Variants in SNX29 observed in about 807,000 individuals in gnomAD.
The protein encoded by SNX29 is sorting nexin-29.
SNX29 carries 78 observed loss-of-function variants against 102.1 expected under a neutral mutation model. The observed-to-expected ratio is 0.76, with a 90% CI of 0.64 to 0.92. SNX29 has a LOEUF of 0.92. Among genes scored for constraint, SNX29 ranks in the 40% least tolerant of loss-of-function variants. The pLI is 0.00. For missense variants in SNX29, 1,280 were observed against 1,061.7 expected (o/e 1.21, Z -2.86); for synonymous variants, 580 against 414.5 (o/e 1.40, Z -4.85).
chr16:12,325,064 G>A (rs550160556), intron 15 of SNX29, among the ~76,000 whole-genome samples: 1 of 152,112 alleles, frequency 6.6e-6, no homozygotes. Context: ...AGAAAACAAT[G>A]TAACTGCCCC....
intron 20 of SNX29, among the ~76,000 whole-genome samples, chr16:12,552,080 C>A (rs1344345489): frequency 6.6e-6 from 1 of 152,216 alleles, no homozygotes; most frequent in African/African-American, 2.4e-5. Context: ...GTCTCAATCA[C>A]TCAACTGTGC....
chr16:12,082,449 A>T (rs916464028), intron 11 of SNX29, among the ~76,000 whole-genome samples: 4 of 152,340 alleles, frequency 2.6e-5, no homozygotes, highest in African/African-American at 9.6e-5. Context: ...TCTGTCTTTG[A>T]GGAAGTCACT....
intron 14 of SNX29, among the ~76,000 whole-genome samples, chr16:12,200,835 G>A (rs12925115): frequency 2.0e-5 from 3 of 152,160 alleles, no homozygotes; most frequent in Admixed American, 1.3e-4. Flanking sequence ...GCTCACCCAC[G>A]ACCACCTGAC....
At chr16:12,462,014 T>TCACACACAC (rs1374785171) in intron 18 of SNX29, among the ~76,000 whole-genome samples, 17 of 59,434 alleles carry the variant, frequency 2.9e-4, no homozygotes, top group African/African-American at 1.6e-3. Context: ...TATATATATG[T>TCACACACAC]ATACACACAC....
intron 11 of SNX29, among the ~76,000 whole-genome samples, chr16:12,123,339 A>G (rs955029686): frequency 2.0e-5 from 3 of 152,160 alleles, no homozygotes; most frequent in Non-Finnish European, 4.4e-5. Flanking sequence ...ACAGTACCAT[A>G]GTATTGTTAG....
intron 13 of SNX29, among the ~76,000 whole-genome samples, chr16:12,151,767 A>ACT (rs1256989122): frequency 6.6e-6 from 1 of 151,876 alleles, no homozygotes; most frequent in Non-Finnish European, 1.5e-5. Flanking sequence ...ACAGAGCCTC[A>ACT]CTCTGACACC....
chr16:12,220,863 A>G (rs529763822), intron 14 of SNX29, among the ~76,000 whole-genome samples: 1 of 152,334 alleles, frequency 6.6e-6, no homozygotes, highest in East Asian at 1.9e-4. Flanking sequence ...GCAGTGTTAA[A>G]ATTACGCAAA....
At chr16:12,559,320 C>A (rs1025646370) in intron 20 of SNX29, among the ~76,000 whole-genome samples, 4 of 151,832 alleles carry the variant, frequency 2.6e-5, no homozygotes, top group Non-Finnish European at 5.9e-5. Context: ...TTGTGAACTG[C>A]CCATGTGAGG....
At chr16:12,021,226 C>G (rs2057010942) in intron 3 of SNX29, among the ~76,000 whole-genome samples, 1 of 151,810 alleles carries the variant, frequency 6.6e-6, no homozygotes, top group Non-Finnish European at 1.5e-5. Context: ...GAGTTCGAGA[C>G]CAGCCTGGCC....
chr16:12,232,611 C>T (rs76808896), intron 14 of SNX29, among the ~76,000 whole-genome samples: 3 of 152,070 alleles, frequency 2.0e-5, no homozygotes, highest in African/African-American at 7.2e-5. Context: ...GTGGGCTTCA[C>T]GGTGGAGTAG....
At chr16:12,501,025 CT>C in intron 19 of SNX29, among the ~76,000 whole-genome samples, 1 of 152,272 alleles carries the variant, frequency 6.6e-6, no homozygotes, top group South Asian at 2.1e-4. Context: ...CTGTGTTGCC[CT>C]CTCAGGATGA....
chr16:12,278,364 A>C (rs1257680451), intron 15 of SNX29, among the ~76,000 whole-genome samples: 1 of 152,240 alleles, frequency 6.6e-6, no homozygotes, highest in African/African-American at 2.4e-5. Flanking sequence ...GTGCTGTTAA[A>C]TGTGAAAATA....
At chr16:12,268,994 G>A (rs76201180) in intron 14 of SNX29, among the ~76,000 whole-genome samples, 11,279 of 152,186 alleles carry the variant, frequency 0.074, 960 homozygotes, top group African/African-American at 0.21. Flanking sequence ...TGTTCTCTAA[G>A]TTTAGATGAC....
chr16:12,239,668 A>T (rs1360008803), intron 14 of SNX29, among the ~76,000 whole-genome samples: 1 of 128,772 alleles, frequency 7.8e-6, no homozygotes, highest in African/African-American at 3.0e-5. Context: ...AAAAAAAAAA[A>T]ATTAGTCCGG....
intron 13 of SNX29, among the ~76,000 whole-genome samples, chr16:12,188,237 A>G (rs2076560472): frequency 6.6e-6 from 1 of 152,146 alleles, no homozygotes; most frequent in African/African-American, 2.4e-5. Context: ...ACACATACTT[A>G]TTTTAATTCT....
At chr16:12,084,601 C>T (rs181883110) in intron 11 of SNX29, among the ~76,000 whole-genome samples, 10 of 152,200 alleles carry the variant, frequency 6.6e-5, no homozygotes, top group Admixed American at 2.0e-4. Context: ...CCCTCAGGGC[C>T]GGGAGGGCAC....
chr16:12,550,860 TAG>T (rs1190681101), intron 20 of SNX29, among the ~76,000 whole-genome samples: 1 of 152,344 alleles, frequency 6.6e-6, no homozygotes, highest in South Asian at 2.1e-4. Flanking sequence ...ATTTTCATGA[TAG>T]ACTTTCTGGG....
chr16:12,148,116 G>C (rs1184634636), intron 13 of SNX29, among the ~76,000 whole-genome samples: 1 of 152,206 alleles, frequency 6.6e-6, no homozygotes, highest in Non-Finnish European at 1.5e-5. Flanking sequence ...TCATGAAAAT[G>C]TTTTATTTTA....
intron 15 of SNX29, among the ~76,000 whole-genome samples, chr16:12,278,440 T>C (rs1430808915): frequency 6.6e-6 from 1 of 151,828 alleles, no homozygotes; most frequent in Non-Finnish European, 1.5e-5. Context: ...TGAGGCAAAC[T>C]GGTCGAAGGG....
Sources: allele counts gnomAD v4.1 joint callset (sites outside exome capture counted in the v4.1 genomes callset), GRCh38; gene constraint gnomAD v4.1.1; transcripts MANE v1.5; gene names NCBI Gene and HGNC (gene_info 2026-07-23, HGNC 2026-07-21).